MED18: variants seen among roughly 807,000 people sequenced by gnomAD.
MED18 encodes mediator complex subunit 18, also known as mediator of RNA polymerase II transcription subunit 18.
A neutral mutation model predicts 13.9 loss-of-function variants in MED18; 10 were observed. The ratio of observed to expected loss-of-function variants is 0.72; its 90% CI spans 0.44 to 1.22. The LOEUF is 1.22. Ranked by LOEUF, MED18 falls within the 50% of genes most tolerant of loss-of-function variation. The probability of loss-of-function intolerance (pLI) is 0.00; values close to 1 mark genes in which losing one functional copy is unlikely to be tolerated. For missense variants in MED18, 216 were observed against 279.0 expected, an observed-to-expected ratio of 0.77 and a Z score of 1.61; for synonymous variants, 88 against 93.2, an observed-to-expected ratio of 0.94 and a Z score of 0.32.
At position 28,334,684 on chromosome 1, in the gene MED18, T is replaced by A; in HGVS notation, c.341T>A (p.Leu114His). ...NCVDIATSENLTDFLMEMGFR... is the reference protein window; with the variant it reads ...NCVDIATSENHTDFLMEMGFR... ...GTGGACATTGCCACATCTGAGAACC[T>A]CACCGACTTCTTGATGGAAATGGGC... Residue 114 changes from leucine (L) to histidine (H), a missense_variant, in exon 3 of 3, where the codon CTC (leucine) becomes CAC (histidine). Coordinates refer to ENST00000373842, the MANE Select transcript of MED18 (RefSeq NM_017638.3). 1 of 1,614,170 alleles carries A rather than the reference T, an allele frequency of 6.2e-7. No homozygotes were observed. Among genetic ancestry groups the A allele is most frequent in the Non-Finnish European group, 8.5e-7 (1 of 1,180,040 alleles).
rs1649871638 is a variant in MED18 at position 28,334,687 on chromosome 1, C to A, written c.344C>A (p.Thr115Asn). The A allele has an allele frequency of 1.9e-6, 3 of 1,614,066 alleles. No individual in the cohort carries two copies. Among genetic ancestry groups the A allele is most frequent in the Non-Finnish European group, 2.5e-6 (3 of 1,180,044 alleles). Residue 115 changes from threonine (T) to asparagine (N), a missense_variant, in exon 3 of 3, where the codon ACC becomes AAC. Coordinates refer to ENST00000373842, the MANE Select transcript of MED18 (RefSeq NM_017638.3). Reference protein sequence around the residue: ...CVDIATSENLTDFLMEMGFRM... With the variant: ...CVDIATSENLNDFLMEMGFRM... ...GACATTGCCACATCTGAGAACCTCACCGACTTCTTGATGGAAATGGGCTTC... is the reference window on the plus strand; with the variant it reads ...GACATTGCCACATCTGAGAACCTCAACGACTTCTTGATGGAAATGGGCTTC...
At position 28,334,963 on chromosome 1, in the gene MED18, T is replaced by G; in HGVS notation, c.620T>G (p.Leu207Arg). ...CTAGAGAAAATAGACCCCAAGAGGC[T>G]CATGTGACTAAGAGGATCTGTCCAC... ...VHLEKIDPKR[L>R]M The change falls in exon 3 of 3, where the codon CTC becomes CGC. Residue 207 changes from leucine (L) to arginine (R), a missense_variant. Coordinates refer to ENST00000373842, the MANE Select transcript of MED18 (RefSeq NM_017638.3). 6.2e-7 allele frequency: 1 copy of G among 1,611,590 alleles called. No homozygotes were observed. Among genetic ancestry groups the G allele is most frequent in the Non-Finnish European group, 8.5e-7 (1 of 1,178,350 alleles).
Position 28,330,622 on chromosome 1 carries a change from G to T in MED18, c.-41G>T. ...GTATATCCCGTGCCTTACCTGACTG[G>T]GGGCTCTGAGTCCAGTTGTGTTGTC... is the stretch of plus-strand genomic sequence containing the variant. On this transcript the variant is annotated 5_prime_UTR_variant, in exon 2 of 3. Coordinates refer to ENST00000373842, the MANE Select transcript of MED18 (RefSeq NM_017638.3). 6.5e-7 allele frequency: 1 copy of T among 1,549,764 alleles called. No individual in the cohort carries two copies. The highest frequency in any genetic ancestry group is 1.1e-5 in the South Asian group (1 of 86,978).
At position 28,335,225 on chromosome 1, in the gene MED18, A is replaced by G; in HGVS notation, c.*255A>G. ...CTCAGCTAATTTTTGTATTTTTAGT[A>G]GAAATGGGGATTCACCATGTTGGTC... On this transcript the variant is annotated 3_prime_UTR_variant, in exon 3 of 3. Coordinates refer to ENST00000373842, the MANE Select transcript of MED18 (RefSeq NM_017638.3). 1 of 401,100 alleles carries G rather than the reference A, an allele frequency of 2.5e-6. No homozygotes were observed. The highest frequency in any genetic ancestry group is 4.9e-5 in the East Asian group (1 of 20,502). The allele number at this position is 401,100 out of a possible 1,614,324, so 24.8% of individuals were successfully genotyped here.
At position 28,330,672 on chromosome 1, in the gene MED18, C is replaced by G; in HGVS notation, c.10C>G (p.Pro4Ala). MEA[P>A]PVTMMPVTGG... ...CTTCAACTTAGACACCATGGAGGCA[C>G]CTCCAGTCACCATGATGCCTGTCAC... The change falls in exon 2 of 3, where the codon CCT becomes GCT. Residue 4 changes from proline to alanine, a missense_variant. By Grantham distance (27) the Pro-to-Ala change is conservative. Transcript: ENST00000373842. 2 of 1,606,258 alleles carry G rather than the reference C, an allele frequency of 1.2e-6. No homozygotes were observed. The highest frequency in any genetic ancestry group is 1.7e-6 in the Non-Finnish European group (2 of 1,176,792).
At chr1:28,330,431 C>T (rs185182497) in intron 1 of MED18, 166 bp from the exon 2 acceptor site, 5 of 386,012 alleles carry the variant, frequency 1.3e-5, no homozygotes, top group African/African-American at 1.1e-4. Flanking sequence ...ACTCCATGAC[C>T]AGATCTCCTT....
At chr1:28,332,164 G>T (rs1045975463) in intron 2 of MED18, among the ~76,000 whole-genome samples, 1 of 152,144 alleles carries the variant, frequency 6.6e-6, no homozygotes, top group Non-Finnish European at 1.5e-5. Context: ...TGTAATTCCA[G>T]TTGTTTGGGA....
intron 1 of MED18, among the ~76,000 whole-genome samples, 176 bp downstream of exon 1, chr1:28,329,356 G>T (rs1169450785): frequency 1.4e-5 from 2 of 140,038 alleles, no homozygotes; most frequent in African/African-American, 5.5e-5. Context: ...GCGCGATCTC[G>T]GCTCACCGCA....
In MED18 at chr1:28,334,583, G is replaced by A. The variant is rs1208720957; in HGVS notation, c.240G>A (p.Gly80=). The part of the protein sequence containing the change: ...LRARRSMDRA[G]APWHLRYLGQ... ...CCCGACGCTCTATGGACAGGGCAGG[G>A]GCACCCTGGCATCTGCGCTACCTGG... Residue 80 remains glycine, a synonymous_variant, in exon 3 of 3, where the codon GGG becomes GGA. Transcript: ENST00000373842. 2.5e-6 allele frequency: 4 copies of A among 1,614,030 alleles called. No homozygotes were observed. The South Asian group carries it at 4.4e-5, about 18-fold the overall frequency.
chr1:28,334,691 C>T lies in MED18; in HGVS notation c.348C>T (p.Asp116=). 1 of 1,614,178 alleles carries T rather than the reference C, an allele frequency of 6.2e-7. No homozygotes were observed. The highest frequency in any genetic ancestry group is 8.5e-7 in the Non-Finnish European group (1 of 1,180,038). ...TTGCCACATCTGAGAACCTCACCGACTTCTTGATGGAAATGGGCTTCCGCA... is the reference window on the plus strand; with the variant it reads ...TTGCCACATCTGAGAACCTCACCGATTTCTTGATGGAAATGGGCTTCCGCA... The part of the protein sequence containing the change: ...VDIATSENLT[D]FLMEMGFRMD... Residue 116 remains aspartate, a synonymous_variant, in exon 3 of 3, where the codon GAC becomes GAT. Coordinates refer to ENST00000373842, the MANE Select transcript of MED18 (RefSeq NM_017638.3).
In MED18 at chr1:28,335,238, C is replaced by T. The variant is rs572883645; in HGVS notation, c.*268C>T. The stretch of plus-strand genomic sequence containing the variant: ...TGTATTTTTAGTAGAAATGGGGATT[C>T]ACCATGTTGGTCAGGCTATTCTCGA... On this transcript the variant is annotated 3_prime_UTR_variant, in exon 3 of 3. Transcript: ENST00000373842. 9 of 370,266 alleles carry T rather than the reference C, an allele frequency of 2.4e-5. No homozygotes were observed. In the South Asian group the frequency reaches 2.9e-4, roughly 12 times the overall value. 22.9% of individuals were successfully genotyped at this position (370,266 alleles called of 1,614,324 possible). A position where few individuals can be genotyped will look rare whatever the true frequency, so the allele number is the denominator to read the frequency against.
At position 28,334,863 on chromosome 1, in the gene MED18, G is replaced by A. The variant is rs757619562; in HGVS notation, c.520G>A (p.Val174Ile). 6.2e-7 allele frequency: 1 copy of A among 1,613,996 alleles called. No homozygotes were observed. The highest frequency in any genetic ancestry group is 1.3e-5 in the African/African-American group (1 of 74,902). Reference sequence around the variant, plus strand: ...CTCCTATCTCGTGGAATTAAGTGTGGTAGCACCCGCTGGGCAGGACATGGT... The same window carrying A: ...CTCCTATCTCGTGGAATTAAGTGTGATAGCACCCGCTGGGCAGGACATGGT... ...SLSYLVELSVVAPAGQDMVSD... is the reference protein window; with the variant it reads ...SLSYLVELSVIAPAGQDMVSD... Residue 174 changes from valine (V) to isoleucine (I), a missense_variant, in exon 3 of 3, where the codon GTA (valine) becomes ATA (isoleucine). Physicochemically the swap from Val to Ile is conservative, Grantham distance 29 (BLOSUM62 3). Coordinates refer to ENST00000373842, the MANE Select transcript of MED18 (RefSeq NM_017638.3).
At chr1:28,332,055 C>G (rs1329601257) in intron 2 of MED18, among the ~76,000 whole-genome samples, 3 of 152,128 alleles carry the variant, frequency 2.0e-5, no homozygotes, top group Non-Finnish European at 1.5e-5. Flanking sequence ...ATTTTGTAAA[C>G]AAGTATCTGA....
Position 28,334,530 on chromosome 1 carries a change from C to T in MED18, c.187C>T (p.Gln63Ter), listed in dbSNP as rs375001561. The T allele has an allele frequency of 1.7e-5, 27 of 1,614,154 alleles. No homozygotes were observed. The highest frequency in any genetic ancestry group is 2.2e-5 in the Non-Finnish European group (26 of 1,180,028). ...DHEMVFLLKG[Q>*]QASPFVLRAR... is the part of the protein sequence containing the mutation. Reference sequence around the variant, plus strand: ...TGAGATGGTATTCCTCCTTAAGGGCCAGCAAGCCAGCCCATTTGTTCTCAG... The same window carrying T: ...TGAGATGGTATTCCTCCTTAAGGGCTAGCAAGCCAGCCCATTTGTTCTCAG... The change falls in exon 3 of 3, where the codon CAG becomes TAG. Residue 63 changes from glutamine (Q) to a stop codon, truncating the protein, a stop_gained. Coordinates refer to ENST00000373842, the MANE Select transcript of MED18 (RefSeq NM_017638.3). LOFTEE classifies it high-confidence loss of function.
intron 2 of MED18, among the ~76,000 whole-genome samples, chr1:28,332,938 T>C (rs1297218239): frequency 1.3e-5 from 2 of 152,246 alleles, no homozygotes; most frequent in Non-Finnish European, 2.9e-5. Flanking sequence ...GAGAAGTGAT[T>C]GCATTCTGCA....
At chr1:28,333,978 G>A (rs1388390382) in intron 2 of MED18, among the ~76,000 whole-genome samples, 2 of 152,182 alleles carry the variant, frequency 1.3e-5, no homozygotes, top group Non-Finnish European at 2.9e-5. Context: ...GGGCATGGTG[G>A]CTTGTGCCTG....
At chr1:28,334,096 T>G (rs999086436) in intron 2 of MED18, among the ~76,000 whole-genome samples, 5 of 152,028 alleles carry the variant, frequency 3.3e-5, no homozygotes, top group African/African-American at 1.2e-4. Flanking sequence ...TAAAACAGTA[T>G]TATTACATTC....
intron 1 of MED18, 154 bp from the exon 2 acceptor site, chr1:28,330,443 C>T: frequency 2.5e-6 from 1 of 406,308 alleles, no homozygotes; most frequent in Non-Finnish European, 4.4e-6. Context: ...GATCTCCTTT[C>T]TATATTTCTG....
At chr1:28,329,629 G>T (rs542830083) in intron 1 of MED18, among the ~76,000 whole-genome samples, 1 of 152,054 alleles carries the variant, frequency 6.6e-6, no homozygotes, top group African/African-American at 2.4e-5. Flanking sequence ...GCCGCAGTGT[G>T]GTCTCCCGCC....
Sources: gnomAD v4.1 joint callset for allele counts (sites outside exome capture counted in the v4.1 genomes callset) on GRCh38, gnomAD v4.1.1 for gene constraint, MANE v1.5 for transcripts, NCBI Gene and HGNC (gene_info 2026-07-23, HGNC 2026-07-21) for gene names.